PRKN: variants seen among roughly 807,000 people sequenced by gnomAD.
PRKN encodes the protein E3 ubiquitin-protein ligase parkin.
In PRKN, 56 loss-of-function variants were observed where a neutral mutation model predicts 59.5. The ratio of observed to expected loss-of-function variants is 0.94; its 90% CI spans 0.76 to 1.18. The LOEUF (loss-of-function observed/expected upper bound fraction) is 1.18, where lower values mean the gene tolerates loss of function less well. Among genes scored for constraint, PRKN ranks in the 50% most tolerant of loss-of-function variants. The pLI is 0.00. For missense variants in PRKN, 657 were observed against 596.4 expected (o/e 1.10, Z -1.06); for synonymous variants, 250 against 222.1 (o/e 1.13, Z -1.12).
At chr6:162,243,955 G>A (rs557590068) in intron 3 of PRKN, among the ~76,000 whole-genome samples, 1 of 152,130 alleles carries the variant, frequency 6.6e-6, no homozygotes, top group Non-Finnish European at 1.5e-5. Context: ...AAACAGCTGA[G>A]TAAAAACACA....
chr6:162,500,986 C>A (rs773452345), intron 1 of PRKN, among the ~76,000 whole-genome samples: 4 of 151,998 alleles, frequency 2.6e-5, no homozygotes, highest in Non-Finnish European at 4.4e-5. Flanking sequence ...GGCAATATAG[C>A]CAGACCCCAT....
chr6:162,039,800 AACAG>A (rs970402683), intron 5 of PRKN, among the ~76,000 whole-genome samples: 69 of 149,608 alleles, frequency 4.6e-4, no homozygotes, highest in South Asian at 8.3e-4. Context: ...TATGCACACA[AACAG>A]ACAGACAGAC....
intron 9 of PRKN, among the ~76,000 whole-genome samples, chr6:161,510,365 C>T (rs1432824823): frequency 6.6e-6 from 1 of 151,848 alleles, no homozygotes; most frequent in Non-Finnish European, 1.5e-5. Context: ...TCCCTGAGGT[C>T]GCCAGTGAGG....
rs139079214 is a variant in PRKN at position 162,130,389 on chromosome 6, T to TACAC, written c.534+70738_534+70741dup. Among the ~76,000 whole-genome samples, 189 of 151,474 alleles carry TACAC rather than the reference T, an allele frequency of 1.2e-3. 2 individuals carry two copies. Among genetic ancestry groups the TACAC allele is most frequent in the African/African-American group, 4.2e-3 (175 of 41,314 alleles). ...AACCTCTTCACGGGTAACAACTGTA[T>TACAC]ACACACACACACACACGGACACGTA... On this transcript the variant is annotated intron_variant, in intron 4 of 11. Coordinates refer to ENST00000366898, the MANE Select transcript of PRKN (RefSeq NM_004562.3).
intron 7 of PRKN, among the ~76,000 whole-genome samples, chr6:161,618,866 C>T (rs9295158): frequency 0.7 from 106,630 of 152,158 alleles, 38,764 homozygotes; most frequent in African/African-American, 0.91. Flanking sequence ...ATGTTTTTCA[C>T]TGGAGGAAGG....
At chr6:161,702,374 T>C (rs1411388583) in intron 7 of PRKN, among the ~76,000 whole-genome samples, 1 of 152,214 alleles carries the variant, frequency 6.6e-6, no homozygotes. Flanking sequence ...AGGGAAATTC[T>C]GACCCAGCCT....
chr6:161,791,888 G>A (rs1190078557), intron 6 of PRKN, among the ~76,000 whole-genome samples: 1 of 152,224 alleles, frequency 6.6e-6, no homozygotes, highest in African/African-American at 2.4e-5. Flanking sequence ...GAAAAGTGCA[G>A]AAACGGCAAT....
chr6:162,041,801 C>T (rs936805491), intron 5 of PRKN, among the ~76,000 whole-genome samples: 3 of 152,102 alleles, frequency 2.0e-5, no homozygotes, highest in Non-Finnish European at 2.9e-5. Context: ...TTGTAGACTC[C>T]TAAGTATCTT....
At chr6:161,692,636 G>T (rs1785843693) in intron 7 of PRKN, among the ~76,000 whole-genome samples, 1 of 152,248 alleles carries the variant, frequency 6.6e-6, no homozygotes, top group Non-Finnish European at 1.5e-5. Context: ...GCTGGGCACA[G>T]TGGCTTACGC....
Position 161,554,397 on chromosome 6 carries a change from C to T in PRKN, c.934-5394G>A, listed in dbSNP as rs1235193685. Among the ~76,000 whole-genome samples, 3 of 95,742 alleles carry T rather than the reference C, an allele frequency of 3.1e-5. No individual in the cohort carries two copies. Among genetic ancestry groups the T allele is most frequent in the Non-Finnish European group, 6.0e-5 (3 of 50,174 alleles). The allele number at this position is 95,742 out of a possible 152,430, so 62.8% of individuals were successfully genotyped here. A position where few individuals can be genotyped will look rare whatever the true frequency, so the allele number is the denominator to read the frequency against. On this transcript the variant is annotated intron_variant, in intron 8 of 11. Transcript: ENST00000366898. This position sits in a 1 kb window ranked among gnomAD's most constrained non-coding sequence, Gnocchi z 4.5. ...TTCTCTTAACCTTCATGTTATCTTA[C>T]TTCTATACACACACACACACACACA... is the stretch of plus-strand genomic sequence containing the variant.
chr6:162,530,958 G>C (rs192946729), intron 1 of PRKN, among the ~76,000 whole-genome samples: 1 of 150,092 alleles, frequency 6.7e-6, no homozygotes, highest in Non-Finnish European at 1.5e-5. Context: ...TTGGTAGCCT[G>C]AGGCAGGAGA....
At chr6:162,545,799 GA>G (rs1169488269) in intron 1 of PRKN, among the ~76,000 whole-genome samples, 1 of 152,040 alleles carries the variant, frequency 6.6e-6, no homozygotes, top group Non-Finnish European at 1.5e-5. Context: ...AATTAATAGA[GA>G]AAATAAGTCT....
In PRKN at chr6:161,376,117, A is replaced by G. The variant is rs6907632; in HGVS notation, c.1167+10677T>C. On this transcript the variant is annotated intron_variant, in intron 10 of 11. Coordinates refer to ENST00000366898, the MANE Select transcript of PRKN (RefSeq NM_004562.3). The surrounding 1 kb of genome is among the most constrained non-coding windows in gnomAD (Gnocchi z 7.3). ...GGCAAAATAGATCAAAAAAGATCTC[A>G]GCTCCCTGGAGCCACTGCTGCTTCA... 0.39 allele frequency among the ~76,000 whole-genome samples: 58,517 copies of G among 151,978 alleles called. 11,595 individuals carry two copies. The highest frequency in any genetic ancestry group is 0.4 in the Non-Finnish European group (27,364 of 67,942).
At chr6:161,374,311 T>C (rs1395879541) in intron 10 of PRKN, among the ~76,000 whole-genome samples, 3 of 148,736 alleles carry the variant, frequency 2.0e-5, no homozygotes, top group Non-Finnish European at 4.4e-5. Context: ...GTGGTGCGCG[T>C]GTGTTGTGTG....
At chr6:161,942,653 C>T (rs564775916) in intron 6 of PRKN, among the ~76,000 whole-genome samples, 7 of 152,206 alleles carry the variant, frequency 4.6e-5, no homozygotes, top group African/African-American at 7.2e-5. Flanking sequence ...CCCATTATAC[C>T]TACCTGAAAT....
At chr6:161,686,574 G>A (rs557150240) in intron 7 of PRKN, among the ~76,000 whole-genome samples, 6 of 152,254 alleles carry the variant, frequency 3.9e-5, no homozygotes, top group African/African-American at 1.4e-4. Context: ...ATGATCTACG[G>A]AATAAATTTC....
At chr6:162,563,550 C>A (rs987623465) in intron 1 of PRKN, among the ~76,000 whole-genome samples, 1 of 152,144 alleles carries the variant, frequency 6.6e-6, no homozygotes, top group Non-Finnish European at 1.5e-5. Flanking sequence ...AAGATGGCTA[C>A]AAATAAGCCC....
At chr6:161,614,764 T>G (rs1210750128) in intron 7 of PRKN, among the ~76,000 whole-genome samples, 1 of 152,242 alleles carries the variant, frequency 6.6e-6, no homozygotes, top group Non-Finnish European at 1.5e-5. Context: ...AAATGACATT[T>G]ACAGAAATTC....
chr6:161,825,726 G>A (rs151015045), intron 6 of PRKN, among the ~76,000 whole-genome samples: 24 of 152,234 alleles, frequency 1.6e-4, no homozygotes, highest in East Asian at 1.9e-4. Flanking sequence ...TGCTCCCCCC[G>A]GGACACACCT....
Sources: gnomAD v4.1 joint callset for allele counts (sites outside exome capture counted in the v4.1 genomes callset) on GRCh38, gnomAD v4.1.1 for gene constraint, Gnocchi (gnomAD v3.1) non-coding constraint, MANE v1.5 for transcripts, NCBI Gene and HGNC (gene_info 2026-07-23, HGNC 2026-07-21) for gene names.